The following LIN28B variants were observed in gnomAD, a reference collection of about 807,000 sequenced individuals.
LIN28B encodes the protein lin-28 RNA binding posttranscriptional regulator B.
In LIN28B, 5 loss-of-function variants were observed where a neutral mutation model predicts 21.9. The observed-to-expected ratio is 0.23, with a 90% confidence interval of 0.12 to 0.48. The LOEUF (loss-of-function observed/expected upper bound fraction) is 0.48. Among genes scored for constraint, LIN28B ranks in the 20% least tolerant of loss-of-function variants. LIN28B has a pLI of 0.98. For synonymous variants in LIN28B, 109 were observed against 111.3 expected, an observed-to-expected ratio of 0.98 and a Z score of 0.13; for missense variants, 245 against 310.5, an observed-to-expected ratio of 0.79 and a Z score of 1.58.
chr6:105,020,594 C>T (rs1475455491), intron 2 of LIN28B, among the ~76,000 whole-genome samples: 2 of 151,986 alleles, frequency 1.3e-5, no homozygotes, highest in Admixed American at 6.5e-5. Context: ...GCTGGGATTA[C>T]AGGCATGAAC....
In LIN28B at chr6:104,957,310, C is replaced by T. The variant is rs773148254; in HGVS notation, c.10+50C>T. The T allele has an allele frequency of 5.4e-6, 7 of 1,294,434 alleles. No homozygotes were observed. In the South Asian group the frequency reaches 7.6e-5, roughly 14 times the overall value. 80.2% of individuals were successfully genotyped at this position (1,294,434 alleles called of 1,614,324 possible). ...ACTGTGAATTTCTTTCTTCTTTTCT[C>T]CTCCCCCTCCCCCTCTCCCACCCTT... On this transcript the variant is annotated intron_variant, in intron 1 of 3. Transcript: ENST00000345080.
chr6:105,040,320 T>C (rs761330218), intron 3 of LIN28B, among the ~76,000 whole-genome samples: 3 of 152,076 alleles, frequency 2.0e-5, no homozygotes, highest in Non-Finnish European at 4.4e-5. Flanking sequence ...TTAAGTTTTA[T>C]TAAATTTATT....
chr6:105,040,615 A>C (rs1483753497), intron 3 of LIN28B, among the ~76,000 whole-genome samples: 2 of 152,016 alleles, frequency 1.3e-5, no homozygotes. Context: ...TTCAAAAAAA[A>C]TTCTTACTAA....
chr6:105,009,770 CT>C (rs1361705063), intron 2 of LIN28B, among the ~76,000 whole-genome samples: 6 of 152,104 alleles, frequency 3.9e-5, no homozygotes, highest in Non-Finnish European at 7.4e-5. Context: ...CAGTTGTTCC[CT>C]TTAGTTTCAT....
intron 2 of LIN28B, among the ~76,000 whole-genome samples, chr6:104,964,701 G>T (rs1338473898): frequency 6.6e-6 from 1 of 152,104 alleles, no homozygotes; most frequent in Non-Finnish European, 1.5e-5. Context: ...GGTCAGTGGG[G>T]TACATTTAAA....
At chr6:104,962,880 GAAC>G (rs1395172969) in intron 2 of LIN28B, among the ~76,000 whole-genome samples, 1 of 152,068 alleles carries the variant, frequency 6.6e-6, no homozygotes, top group Admixed American at 6.6e-5. Flanking sequence ...TTGAAAATGT[GAAC>G]ATAAGCAGCT....
intron 2 of LIN28B, among the ~76,000 whole-genome samples, chr6:104,940,021 T>G (rs1379818119): frequency 1.3e-5 from 2 of 152,196 alleles, no homozygotes; most frequent in African/African-American, 4.8e-5. Flanking sequence ...GCCCCAGATC[T>G]TGTGGCTCTT....
chr6:104,975,841 C>CA (rs1770079815), intron 2 of LIN28B, among the ~76,000 whole-genome samples: 1 of 135,382 alleles, frequency 7.4e-6, no homozygotes, highest in Non-Finnish European at 1.6e-5. Flanking sequence ...TCTTCTTCTT[C>CA]TTTTTTTTTT....
intron 2 of LIN28B, among the ~76,000 whole-genome samples, chr6:105,008,507 G>A (rs1770860931): frequency 6.6e-6 from 1 of 152,116 alleles, no homozygotes; most frequent in South Asian, 2.1e-4. Flanking sequence ...AGCTGGGCGT[G>A]GTGGCGGGCG....
intron 2 of LIN28B, among the ~76,000 whole-genome samples, chr6:104,947,705 TAA>T (rs891987197): frequency 1.1e-4 from 17 of 151,114 alleles, no homozygotes; most frequent in African/African-American, 3.6e-4. Context: ...TTTATATTTA[TAA>T]GAGATTAATT....
At chr6:105,060,166 G>A (rs960356325) in intron 3 of LIN28B, among the ~76,000 whole-genome samples, 2 of 152,204 alleles carry the variant, frequency 1.3e-5, no homozygotes, top group Non-Finnish European at 2.9e-5. Flanking sequence ...GCCTCCCAAA[G>A]TGCTGGGATT....
intron 2 of LIN28B, among the ~76,000 whole-genome samples, chr6:104,944,870 C>T (rs314263): frequency 0.69 from 104,874 of 151,942 alleles, 36,237 homozygotes; most frequent in Admixed American, 0.73. Flanking sequence ...TTTCAAGCAA[C>T]CAGTTTCTAG....
chr6:104,991,427 A>G (rs1770475781), intron 2 of LIN28B, among the ~76,000 whole-genome samples: 2 of 145,546 alleles, frequency 1.4e-5, no homozygotes, highest in Admixed American at 1.4e-4. Flanking sequence ...GCGGCGGGGC[A>G]GAGGTGATCC....
intron 2 of LIN28B, among the ~76,000 whole-genome samples, chr6:105,012,880 A>G (rs144550293): frequency 6.6e-6 from 1 of 152,196 alleles, no homozygotes; most frequent in African/African-American, 2.4e-5. Flanking sequence ...TTAATTCTAT[A>G]GGAGATTGCC....
At chr6:104,954,203 TA>T (rs1412785035), upstream of LIN28B, among the ~76,000 whole-genome samples, 5 of 152,038 alleles carry the variant, frequency 3.3e-5, no homozygotes, top group Non-Finnish European at 5.9e-5. Flanking sequence ...TTTCAGGCAC[TA>T]AAACCAAGTA....
chr6:104,968,783 CT>C (rs1294019243), intron 2 of LIN28B, among the ~76,000 whole-genome samples: 1 of 152,014 alleles, frequency 6.6e-6, no homozygotes, highest in Non-Finnish European at 1.5e-5. Context: ...ATTATTTTAA[CT>C]TAGCTTATTT....
intron 2 of LIN28B, among the ~76,000 whole-genome samples, chr6:104,994,293 C>T (rs1255064149): frequency 2.6e-5 from 4 of 152,194 alleles, no homozygotes; most frequent in East Asian, 3.8e-4. Flanking sequence ...CGTGAGCCAC[C>T]GCGCCTGACC....
At chr6:104,994,043 C>T (rs1398148052) in intron 2 of LIN28B, among the ~76,000 whole-genome samples, 9 of 152,140 alleles carry the variant, frequency 5.9e-5, no homozygotes, top group African/African-American at 1.2e-4. Flanking sequence ...CTCCTTCTGT[C>T]GCCCAGGCTG....
intron 2 of LIN28B, among the ~76,000 whole-genome samples, chr6:105,008,839 T>C (rs1433258042): frequency 1.3e-5 from 2 of 152,294 alleles, no homozygotes; most frequent in East Asian, 3.9e-4. Context: ...ATGTCCTGAT[T>C]TTGGTTAAAA....
Sources: gnomAD v4.1 joint callset for allele counts (sites outside exome capture counted in the v4.1 genomes callset) on GRCh38, gnomAD v4.1.1 for gene constraint, MANE v1.5 for transcripts, NCBI Gene and HGNC (gene_info 2026-07-23, HGNC 2026-07-21) for gene names.